The following CFAP58 variants were observed in gnomAD, a reference collection of about 807,000 sequenced individuals.
The protein encoded by CFAP58 is cilia and flagella associated protein 58.
Under a neutral mutation model 119.5 loss-of-function variants are expected in CFAP58, and 88 were observed. That is an observed-to-expected ratio of 0.74 (90% CI 0.62 to 0.88). The LOEUF (loss-of-function observed/expected upper bound fraction) is 0.88. CFAP58 is among the 40% of genes least tolerant of loss of function. The pLI, the probability that CFAP58 is intolerant of heterozygous loss-of-function variation, is 0.00. For missense variants in CFAP58, 990 were observed against 1,021.2 expected (o/e 0.97, Z 0.42); for synonymous variants, 365 against 366.3 (o/e 1.00, Z 0.04).
intron 15 of CFAP58, among the ~76,000 whole-genome samples, chr10:104,445,333 A>T (rs966244090): frequency 1.2e-3 from 189 of 151,842 alleles, no homozygotes; most frequent in Non-Finnish European, 2.3e-3. Context: ...AAAAAAAAAA[A>T]AAACAACAAC....
At chr10:104,369,674 A>G (rs74154793) in intron 6 of CFAP58, among the ~76,000 whole-genome samples, 3,312 of 152,316 alleles carry the variant, frequency 0.022, 116 homozygotes, top group African/African-American at 0.074. Context: ...CCTTGATAAT[A>G]TGAATGGGGC....
In CFAP58 at chr10:104,426,095, G is replaced by A. The variant is rs1055801721; in HGVS notation, c.2256+19302G>A. On this transcript the variant is annotated intron_variant, in intron 15 of 17. Transcript: ENST00000369704. ...AAAAATACAAAAATTGGCTGGATGT[G>A]GCAGTGCTCACCTGTAGTCCCAGCT... Among the ~76,000 whole-genome samples, 21 of 152,130 alleles carry A rather than the reference G, an allele frequency of 1.4e-4. 1 individual carries two copies. The highest frequency in any genetic ancestry group is 1.4e-3 in the Admixed American group (21 of 15,266).
intron 15 of CFAP58, among the ~76,000 whole-genome samples, chr10:104,426,612 A>G (rs2012754352): frequency 6.6e-6 from 1 of 152,212 alleles, no homozygotes; most frequent in South Asian, 2.1e-4. Flanking sequence ...TATTTTTTAA[A>G]TCACAGGAAA....
intron 15 of CFAP58, among the ~76,000 whole-genome samples, chr10:104,442,653 A>T (rs2013057763): frequency 2.0e-5 from 3 of 152,178 alleles, no homozygotes. Context: ...GTACATGCAC[A>T]TACAAGTAGT....
At chr10:104,387,916 T>G (rs1291131321) in intron 9 of CFAP58, among the ~76,000 whole-genome samples, 1 of 152,186 alleles carries the variant, frequency 6.6e-6, no homozygotes, top group Admixed American at 6.5e-5. Context: ...CCTATAACAC[T>G]GTCAAGCAAA....
chr10:104,417,482 A>G (rs1469474735), intron 15 of CFAP58, among the ~76,000 whole-genome samples: 3 of 152,204 alleles, frequency 2.0e-5, no homozygotes, highest in African/African-American at 7.2e-5. Flanking sequence ...GTAATCAGAC[A>G]ACTGAATGCA....
At chr10:104,437,760 C>T (rs887411457) in intron 15 of CFAP58, among the ~76,000 whole-genome samples, 16 of 151,934 alleles carry the variant, frequency 1.1e-4, no homozygotes, top group African/African-American at 3.9e-4. Flanking sequence ...ATTAATGAAG[C>T]TTTTAAATAT....
chr10:104,357,953 A>ATGTACATATG lies in CFAP58; in HGVS notation c.10-387_10-386insGTACATATGT, dbSNP rs1249658549. On this transcript the variant is annotated intron_variant, in intron 1 of 17. Coordinates refer to ENST00000369704, the MANE Select transcript of CFAP58 (RefSeq NM_001008723.2). ...TATACACACATATATGTACACATAT[A>ATGTACATATG]TACACATATATGTACACATATGTAC... Among the ~76,000 whole-genome samples, 47 of 113,002 alleles carry ATGTACATATG rather than the reference A, an allele frequency of 4.2e-4. 1 individual carries two copies. Among genetic ancestry groups the ATGTACATATG allele is most frequent in the Admixed American group, 6.1e-4 (8 of 13,170 alleles). 74.1% of individuals were successfully genotyped at this position (113,002 alleles called of 152,430 possible).
chr10:104,349,252 G>A (rs1030352748), upstream of CFAP58, among the ~76,000 whole-genome samples: 3 of 151,694 alleles, frequency 2.0e-5, no homozygotes, highest in Admixed American at 6.6e-5. Context: ...CGTCTCAAAC[G>A]CCTCCACACC....
At chr10:104,395,334 AG>A (rs1225977444) in intron 11 of CFAP58, among the ~76,000 whole-genome samples, 4 of 152,224 alleles carry the variant, frequency 2.6e-5, no homozygotes, top group Non-Finnish European at 5.9e-5. Flanking sequence ...GATGATTAAA[AG>A]GCTTCTGCTC....
At chr10:104,360,485 T>TA (rs1447920278) in intron 2 of CFAP58, among the ~76,000 whole-genome samples, 1 of 151,698 alleles carries the variant, frequency 6.6e-6, no homozygotes, top group Non-Finnish European at 1.5e-5. Context: ...ACACACTTTT[T>TA]AAAAAAAACT....
chr10:104,427,700 C>G (rs1462756177), intron 15 of CFAP58, among the ~76,000 whole-genome samples: 1 of 152,190 alleles, frequency 6.6e-6, no homozygotes, highest in Admixed American at 6.5e-5. Context: ...CTTGTCTGTG[C>G]TCTAAACCTC....
At chr10:104,385,570 A>T (rs7911474) in intron 9 of CFAP58, among the ~76,000 whole-genome samples, 2 of 151,996 alleles carry the variant, frequency 1.3e-5, no homozygotes, top group Non-Finnish European at 2.9e-5. Flanking sequence ...TAATCTTAGC[A>T]CTTTGGGAGG....
chr10:104,371,514 T>C (rs1226848058), intron 7 of CFAP58, among the ~76,000 whole-genome samples: 1 of 152,218 alleles, frequency 6.6e-6, no homozygotes, highest in African/African-American at 2.4e-5. Flanking sequence ...TACTTTGCCA[T>C]GTGATGAACC....
At chr10:104,416,452 C>A (rs568226588) in intron 15 of CFAP58, among the ~76,000 whole-genome samples, 2 of 152,248 alleles carry the variant, frequency 1.3e-5, no homozygotes, top group East Asian at 3.9e-4. Flanking sequence ...TGAACTTTCT[C>A]TATAATTTAA....
intron 15 of CFAP58, among the ~76,000 whole-genome samples, chr10:104,434,015 T>G (rs918419097): frequency 1.3e-5 from 2 of 152,172 alleles, no homozygotes; most frequent in Non-Finnish European, 2.9e-5. Flanking sequence ...CAAGAGTGTG[T>G]GGCTCTAGGC....
intron 1 of CFAP58, among the ~76,000 whole-genome samples, chr10:104,356,167 A>G (rs1187755301): frequency 3.3e-5 from 5 of 152,246 alleles, no homozygotes; most frequent in Non-Finnish European, 7.3e-5. Flanking sequence ...TAAAATTAGT[A>G]CTAAAGTTGT....
intron 15 of CFAP58, among the ~76,000 whole-genome samples, chr10:104,436,085 G>T (rs1399766433): frequency 6.6e-6 from 1 of 151,906 alleles, no homozygotes; most frequent in Non-Finnish European, 1.5e-5. Context: ...TTTCCCCCCA[G>T]GCACTATTCT....
intron 6 of CFAP58, among the ~76,000 whole-genome samples, chr10:104,370,559 C>G (rs2014808724): frequency 6.6e-6 from 1 of 152,194 alleles, no homozygotes; most frequent in African/African-American, 2.4e-5. Flanking sequence ...ATTCAATTAC[C>G]TCCCATCGGG....
Sources: gnomAD v4.1 joint callset for allele counts (sites outside exome capture counted in the v4.1 genomes callset) on GRCh38, gnomAD v4.1.1 for gene constraint, MANE v1.5 for transcripts, NCBI Gene and HGNC (gene_info 2026-07-23, HGNC 2026-07-21) for gene names.